RAD54L2: variants seen among roughly 807,000 people sequenced by gnomAD.
RAD54L2 encodes the protein helicase ARIP4.
Under a neutral mutation model 138.4 loss-of-function variants are expected in RAD54L2, and 27 were observed. The ratio of observed to expected loss-of-function variants is 0.20; its 90% confidence interval spans 0.14 to 0.27. RAD54L2 has a LOEUF of 0.27. Ranked by LOEUF, RAD54L2 falls within the 10% of genes least tolerant of loss-of-function variation. The probability of loss-of-function intolerance (pLI) is 1.00; values close to 1 mark genes in which losing one functional copy is unlikely to be tolerated. For missense variants in RAD54L2, 1,396 were observed against 1,890.2 expected (o/e 0.74, Z 4.85); for synonymous variants, 644 against 723.2 (o/e 0.89, Z 1.76).
At chr3:51,566,526 A>G (rs1699224144) in intron 2 of RAD54L2, among the ~76,000 whole-genome samples, 1 of 114,002 alleles carries the variant, frequency 8.8e-6, no homozygotes, top group Non-Finnish European at 1.6e-5. Context: ...GTCACCCAGG[A>G]TGGAGTGTAG....
chr3:51,542,508 C>T (rs373182739), intron 2 of RAD54L2, among the ~76,000 whole-genome samples: 1 of 150,684 alleles, frequency 6.6e-6, no homozygotes, highest in Admixed American at 6.6e-5. Context: ...TGCAGTGGTG[C>T]GATCTCGGCT....
chr3:51,598,173 G>GTATA (rs1238523807), intron 3 of RAD54L2, among the ~76,000 whole-genome samples: 6 of 144,482 alleles, frequency 4.2e-5, no homozygotes, highest in Non-Finnish European at 9.1e-5. Flanking sequence ...GTGTGTGTGT[G>GTATA]TGTGTATATA....
intron 2 of RAD54L2, among the ~76,000 whole-genome samples, chr3:51,565,836 C>CT (rs369474676): frequency 0.055 from 7,480 of 135,928 alleles, 263 homozygotes; most frequent in South Asian, 0.094. Flanking sequence ...CCACCCCCCC[C>CT]TTTTTTTTTT....
At chr3:51,630,617 A>G (rs2106796825) in intron 6 of RAD54L2, 88 bp from the exon 7 acceptor site, 1 of 1,159,970 alleles carries the variant, frequency 8.6e-7, no homozygotes, top group Non-Finnish European at 1.2e-6. Context: ...TTCTAACTTT[A>G]AGTTTCTGTA....
At chr3:51,612,223 G>C (rs946677234) in intron 3 of RAD54L2, among the ~76,000 whole-genome samples, 6 of 152,182 alleles carry the variant, frequency 3.9e-5, no homozygotes, top group African/African-American at 1.4e-4. Context: ...CCAGCACTTT[G>C]GGAGGCTGAG....
At chr3:51,546,357 A>G (rs1553672267) in intron 2 of RAD54L2, among the ~76,000 whole-genome samples, 1 of 151,982 alleles carries the variant, frequency 6.6e-6, no homozygotes. Flanking sequence ...AGGAAAACTG[A>G]AGGCCAGGCA....
rs746508722 is a variant in RAD54L2 at position 51,639,979 on chromosome 3, G to A, written c.2211G>A (p.Gly737=). ...FHLIEESVKL[G]DKILVFSQSL... ...TGATTGAGGAAAGTGTGAAGCTTGG[G>A]GACAAGATCCTTGTGTTTAGGTAGG... The change falls in exon 14 of 23, where the codon GGG becomes GGA. Residue 737 remains glycine (G), a synonymous_variant. Transcript: ENST00000684192. 2.5e-6 allele frequency: 4 copies of A among 1,606,516 alleles called. No homozygotes were observed. Among genetic ancestry groups the A allele is most frequent in the East Asian group, 2.2e-5 (1 of 44,808 alleles).
chr3:51,587,017 T>G (rs1699725907), intron 2 of RAD54L2, among the ~76,000 whole-genome samples: 1 of 152,202 alleles, frequency 6.6e-6, no homozygotes, highest in South Asian at 2.1e-4. Flanking sequence ...AAATTTTACT[T>G]TCAAAGTTGT....
chr3:51,662,751 G>A lies in RAD54L2; in HGVS notation c.3735G>A (p.Arg1245=). The part of the protein sequence containing the change: ...LLVTGQPCGD[R]HPVLDLRGHK... The stretch of plus-strand genomic sequence containing the variant: ...TGACTGGCCAGCCCTGTGGTGACAG[G>A]CACCCAGTGCTGGACTTAAGGGGCC... Residue 1245 remains arginine (R), a synonymous_variant, in exon 23 of 23, where the codon AGG becomes AGA. Coordinates refer to ENST00000684192, the MANE Select transcript of RAD54L2 (RefSeq NM_015106.4). The surrounding 1 kb of genome is among the most constrained non-coding windows in gnomAD (Gnocchi z 4.6). 6.2e-7 allele frequency: 1 copy of A among 1,612,776 alleles called. No homozygotes were observed. Among genetic ancestry groups the A allele is most frequent in the Non-Finnish European group, 8.5e-7 (1 of 1,179,412 alleles).
At position 51,645,593 on chromosome 3, in the gene RAD54L2, C is replaced by G; in HGVS notation, c.2659C>G (p.Arg887Gly). ...RQISKQGMSD[R>G]VVDDLNPMLN... is the part of the protein sequence containing the mutation. ...TCTTCATGTCTTTATCCTTCTAGATCGGGTGGTGGATGATCTAAATCCAAT... is the reference window on the plus strand; with the variant it reads ...TCTTCATGTCTTTATCCTTCTAGATGGGGTGGTGGATGATCTAAATCCAAT... Residue 887 changes from arginine (R) to glycine (G), a missense_variant and splice_region_variant, in exon 18 of 23, where the codon CGG becomes GGG. Arg to Gly is a moderately radical substitution (Grantham distance 125, BLOSUM62 -2). Coordinates refer to ENST00000684192, the MANE Select transcript of RAD54L2 (RefSeq NM_015106.4). This position sits in a 1 kb window ranked among gnomAD's most constrained non-coding sequence, Gnocchi z 6.1. 1 of 1,608,762 alleles carries G rather than the reference C, an allele frequency of 6.2e-7. No homozygotes were observed. Among genetic ancestry groups the G allele is most frequent in the Non-Finnish European group, 8.5e-7 (1 of 1,177,544 alleles).
intron 2 of RAD54L2, among the ~76,000 whole-genome samples, chr3:51,588,016 C>T (rs1345618969): frequency 6.6e-6 from 1 of 151,136 alleles, no homozygotes; most frequent in Non-Finnish European, 1.5e-5. Context: ...GAGACCCCGT[C>T]TCTACTAAAA....
At chr3:51,548,338 G>A (rs561965642) in intron 2 of RAD54L2, among the ~76,000 whole-genome samples, 2 of 151,600 alleles carry the variant, frequency 1.3e-5, no homozygotes, top group South Asian at 2.1e-4. Flanking sequence ...ACAGGCACCC[G>A]TCATCATGCC....
intron 3 of RAD54L2, among the ~76,000 whole-genome samples, chr3:51,623,565 G>A (rs1471445818): frequency 6.6e-6 from 1 of 152,188 alleles, no homozygotes; most frequent in African/African-American, 2.4e-5. Flanking sequence ...AGCCAGTACT[G>A]CCTAAATGCA....
intron 4 of RAD54L2, among the ~76,000 whole-genome samples, chr3:51,628,362 TA>T (rs1183481261): frequency 6.6e-6 from 1 of 152,116 alleles, no homozygotes; most frequent in Non-Finnish European, 1.5e-5. Flanking sequence ...AGAATCCCTG[TA>T]ACCCTAGTTT....
chr3:51,664,107 G>A lies in RAD54L2; in HGVS notation c.*687G>A, dbSNP rs1357157367. ...TTTGGTGGTTCATGGCACCTAGTGT[G>A]AACATCAGGGTGAGCCCAGAAGAGC... On this transcript the variant is annotated 3_prime_UTR_variant, in exon 23 of 23. Coordinates refer to ENST00000684192, the MANE Select transcript of RAD54L2 (RefSeq NM_015106.4). The A allele has an allele frequency of 6.6e-6, 1 of 152,212 alleles. No individual in the cohort carries two copies. Among genetic ancestry groups the A allele is most frequent in the Non-Finnish European group, 1.5e-5 (1 of 68,050 alleles). The allele number at this position is 152,212 out of a possible 1,614,324, so 9.4% of individuals were successfully genotyped here. A position where few individuals can be genotyped will look rare whatever the true frequency, so the allele number is the denominator to read the frequency against.
At chr3:51,603,811 A>G (rs75197154) in intron 3 of RAD54L2, among the ~76,000 whole-genome samples, 2,376 of 152,226 alleles carry the variant, frequency 0.016, 54 homozygotes, top group African/African-American at 0.053. Context: ...GATGTGAGCC[A>G]CTGCACCTGA....
intron 19 of RAD54L2, among the ~76,000 whole-genome samples, chr3:51,649,492 T>C (rs1338841723): frequency 6.6e-6 from 1 of 151,914 alleles, no homozygotes; most frequent in African/African-American, 2.4e-5. Flanking sequence ...AGACACATAA[T>C]TGTCAGATTC....
At chr3:51,654,714 A>G (rs1165790460) in intron 19 of RAD54L2, among the ~76,000 whole-genome samples, 1 of 152,142 alleles carries the variant, frequency 6.6e-6, no homozygotes, top group African/African-American at 2.4e-5. Context: ...GAAAAGCCAC[A>G]TGGAGAGAAG....
intron 19 of RAD54L2, among the ~76,000 whole-genome samples, chr3:51,652,166 G>A (rs1168438712): frequency 1.3e-5 from 2 of 152,266 alleles, no homozygotes; most frequent in Non-Finnish European, 2.9e-5. Context: ...CAAATCATGA[G>A]TGAACTCCCA....
Sources: allele counts gnomAD v4.1 joint callset (sites outside exome capture counted in the v4.1 genomes callset), GRCh38; gene constraint gnomAD v4.1.1; non-coding constraint Gnocchi (gnomAD v3.1); transcripts MANE v1.5; gene names NCBI Gene and HGNC (gene_info 2026-07-23, HGNC 2026-07-21).